The following ARIH1 variants were observed in gnomAD, a reference collection of about 807,000 sequenced individuals.
ARIH1 encodes E3 ubiquitin-protein ligase ARIH1.
A neutral mutation model predicts 85.0 loss-of-function variants in ARIH1; 8 were observed. The ratio of observed to expected loss-of-function variants is 0.09; its 90% confidence interval spans 0.06 to 0.17. ARIH1 has a LOEUF of 0.17. Among genes scored for constraint, ARIH1 ranks in the 10% least tolerant of loss-of-function variants. The probability of loss-of-function intolerance (pLI) is 1.00; values close to 1 mark genes in which losing one functional copy is unlikely to be tolerated. For missense variants in ARIH1, 311 were observed against 718.1 expected (o/e 0.43, Z 6.48); for synonymous variants, 238 against 253.6 (o/e 0.94, Z 0.59).
At chr15:72,552,641 G>A (rs137921825) in intron 3 of ARIH1, among the ~76,000 whole-genome samples, 149 of 152,224 alleles carry the variant, frequency 9.8e-4, no homozygotes, top group Non-Finnish European at 1.8e-3. Flanking sequence ...GTGCAGAAGA[G>A]AATTTGTGGT....
chr15:72,576,786 T>C (rs2064273407), intron 11 of ARIH1, among the ~76,000 whole-genome samples: 2 of 152,032 alleles, frequency 1.3e-5, no homozygotes, highest in Non-Finnish European at 2.9e-5. Context: ...GTAATACCAT[T>C]ACAGTTGACT....
chr15:72,552,777 GTT>G (rs1167993396), intron 3 of ARIH1, among the ~76,000 whole-genome samples: 2,408 of 139,892 alleles, frequency 0.017, 55 homozygotes, highest in African/African-American at 0.059. Context: ...AGGGAGGCCT[GTT>G]TTTTTTTTTT....
chr15:72,514,401 A>C (rs963478871), intron 1 of ARIH1, among the ~76,000 whole-genome samples: 3 of 152,128 alleles, frequency 2.0e-5, no homozygotes, highest in Non-Finnish European at 2.9e-5. Context: ...TCATTTTTTT[A>C]AAAAATAGTA....
chr15:72,506,180 C>T (rs1183128093), intron 1 of ARIH1, among the ~76,000 whole-genome samples: 2 of 151,754 alleles, frequency 1.3e-5, no homozygotes, highest in Non-Finnish European at 2.9e-5. Flanking sequence ...AACTCTTTCT[C>T]TACTAAAAAA....
At chr15:72,476,438 C>CACT (rs1449894199) in intron 1 of ARIH1, among the ~76,000 whole-genome samples, 1 of 152,206 alleles carries the variant, frequency 6.6e-6, no homozygotes, top group Non-Finnish European at 1.5e-5. Flanking sequence ...AATCTCTGCT[C>CACT]ACTGCAACCT....
chr15:72,518,720 G>A (rs780217993), intron 2 of ARIH1, among the ~76,000 whole-genome samples: 1 of 151,636 alleles, frequency 6.6e-6, no homozygotes, highest in Non-Finnish European at 1.5e-5. Context: ...CCTGGGAGGC[G>A]GAGGTTGCAG....
intron 1 of ARIH1, among the ~76,000 whole-genome samples, chr15:72,492,213 A>G (rs548332767): frequency 3.1e-4 from 47 of 152,234 alleles, no homozygotes; most frequent in Non-Finnish European, 5.9e-4. Context: ...CCAAAGTAAT[A>G]GAATACATAT....
chr15:72,569,295 G>A (rs1476166399), intron 9 of ARIH1, among the ~76,000 whole-genome samples: 1 of 152,100 alleles, frequency 6.6e-6, no homozygotes, highest in Admixed American at 6.6e-5. Flanking sequence ...TCGACGGTGA[G>A]ACCCTGTCTC....
intron 1 of ARIH1, among the ~76,000 whole-genome samples, chr15:72,481,791 A>T (rs769992807): frequency 2.0e-5 from 3 of 152,166 alleles, no homozygotes; most frequent in Non-Finnish European, 4.4e-5. Context: ...CCTTCATGCT[A>T]TGCTATCCTT....
intron 13 of ARIH1, among the ~76,000 whole-genome samples, 180 bp from the exon 14 acceptor site, chr15:72,583,028 T>C (rs1395070347): frequency 6.6e-6 from 1 of 152,210 alleles, no homozygotes; most frequent in African/African-American, 2.4e-5. Flanking sequence ...CATTTTAATA[T>C]TAGAAGCAGT....
rs1261491307 is a variant in ARIH1 at position 72,511,221 on chromosome 15, G to A, written c.376-6846G>A. Among the ~76,000 whole-genome samples the A allele has an allele frequency of 3.3e-5, 5 of 152,000 alleles. 1 individual carries two copies. Among genetic ancestry groups the A allele is most frequent in the South Asian group, 2.1e-4 (1 of 4,806 alleles). On this transcript the variant is annotated intron_variant, in intron 1 of 13. Coordinates refer to ENST00000379887, the MANE Select transcript of ARIH1 (RefSeq NM_005744.5). ...TTATACCTATGTATTTCACGTTTTG[G>A]TGCTATTGTAAGTGGCACTTTAAAT...
chr15:72,514,647 C>G (rs973597499), intron 1 of ARIH1, among the ~76,000 whole-genome samples: 1 of 151,588 alleles, frequency 6.6e-6, no homozygotes, highest in Non-Finnish European at 1.5e-5. Flanking sequence ...GAGGCTGCAG[C>G]AAGCTGAGAT....
intron 3 of ARIH1, among the ~76,000 whole-genome samples, chr15:72,545,647 C>T (rs1158476922): frequency 6.6e-6 from 1 of 152,136 alleles, no homozygotes; most frequent in Non-Finnish European, 1.5e-5. Flanking sequence ...GCCAACATGG[C>T]GGAAACCTGT....
At chr15:72,516,423 CT>C (rs1432703286) in intron 1 of ARIH1, among the ~76,000 whole-genome samples, 1 of 26,618 alleles carries the variant, frequency 3.8e-5, no homozygotes, top group African/African-American at 4.1e-5. Flanking sequence ...TTTCTGAGTT[CT>C]TTTAAAAAAA....
At chr15:72,579,055 A>T (rs1179012939) in intron 11 of ARIH1, among the ~76,000 whole-genome samples, 2 of 152,122 alleles carry the variant, frequency 1.3e-5, no homozygotes, top group Non-Finnish European at 2.9e-5. Flanking sequence ...AAGTGCTAGG[A>T]TTACAGGCAT....
At chr15:72,568,133 G>A (rs1450764446) in intron 9 of ARIH1, among the ~76,000 whole-genome samples, 1 of 152,074 alleles carries the variant, frequency 6.6e-6, no homozygotes, top group Non-Finnish European at 1.5e-5. Context: ...AGGAATATAT[G>A]GTAGAAATTA....
At chr15:72,479,766 G>A (rs902338254) in intron 1 of ARIH1, among the ~76,000 whole-genome samples, 7 of 152,060 alleles carry the variant, frequency 4.6e-5, no homozygotes, top group African/African-American at 1.7e-4. Flanking sequence ...TCTGTTGGCT[G>A]TTGGTTCGAA....
intron 1 of ARIH1, among the ~76,000 whole-genome samples, chr15:72,512,814 A>T (rs545767832): frequency 6.6e-6 from 1 of 152,230 alleles, no homozygotes; most frequent in East Asian, 1.9e-4. Context: ...GGCTGTCTAC[A>T]TATTCAGTGG....
intron 1 of ARIH1, among the ~76,000 whole-genome samples, chr15:72,510,736 CAAAAAAAAAAAAAAAAAAAAA>C (rs57834481): frequency 1.9e-4 from 5 of 26,716 alleles, no homozygotes; most frequent in Non-Finnish European, 3.5e-4. Flanking sequence ...GACTCTGACT[CAAAAAAAAAAAAAAAAAAAAA>C]AAAAAAAAAA....
Sources: gnomAD v4.1 joint callset for allele counts (sites outside exome capture counted in the v4.1 genomes callset) on GRCh38, gnomAD v4.1.1 for gene constraint, MANE v1.5 for transcripts, NCBI Gene and HGNC (gene_info 2026-07-23, HGNC 2026-07-21) for gene names.